DTD1: variants seen among roughly 807,000 people sequenced by gnomAD.
DTD1 encodes D-tyrosyl-tRNA deacylase 1 homolog.
DTD1 carries 13 observed loss-of-function variants against 25.6 expected under a neutral mutation model. That is an observed-to-expected ratio of 0.51 (90% confidence interval 0.33 to 0.81). DTD1 has a LOEUF of 0.81. Among genes scored for constraint, DTD1 ranks in the 30% least tolerant of loss-of-function variants. DTD1 has a pLI of 0.02. For missense variants in DTD1, 193 were observed against 266.4 expected (o/e 0.72, Z 1.92); for synonymous variants, 110 against 103.6 (o/e 1.06, Z -0.37).
At position 18,734,114 on chromosome 20, in the gene DTD1, G is replaced by A. The variant is rs532219448; in HGVS notation, c.478-9986G>A. Among the ~76,000 whole-genome samples the A allele has an allele frequency of 7.9e-5, 12 of 152,256 alleles. No individual in the cohort carries two copies. The East Asian group carries it at 1.4e-3, about 17-fold the overall frequency. On this transcript the variant is annotated intron_variant, in intron 4 of 5. Coordinates refer to ENST00000377452, the MANE Select transcript of DTD1 (RefSeq NM_080820.6). ...TTTTTATCAGCTAGAGGTAATGTAC[G>A]GATGTAGGTCTCTATAGATCTTGTA...
chr20:18,619,171 G>A (rs996071007), intron 3 of DTD1, among the ~76,000 whole-genome samples: 1 of 151,970 alleles, frequency 6.6e-6, no homozygotes, highest in African/African-American at 2.4e-5. Context: ...CAAGTTATTT[G>A]TCAGGTTCTT....
chr20:18,669,636 C>T (rs1237970119), intron 4 of DTD1, among the ~76,000 whole-genome samples: 1 of 152,110 alleles, frequency 6.6e-6, no homozygotes, highest in Non-Finnish European at 1.5e-5. Context: ...CCCTTAGTGC[C>T]TCACTCACCC....
chr20:18,674,695 C>G (rs1321653201), intron 4 of DTD1: 1 of 152,450 alleles, frequency 6.6e-6, no homozygotes, highest in African/African-American at 2.4e-5. Flanking sequence ...AATCAGCTGG[C>G]CTCCCGTCTG....
chr20:18,742,293 A>G (rs1296736877), intron 4 of DTD1, among the ~76,000 whole-genome samples: 3 of 152,108 alleles, frequency 2.0e-5, no homozygotes, highest in Non-Finnish European at 2.9e-5. Flanking sequence ...CACAAAATCT[A>G]ATTAGTATAT....
chr20:18,680,161 C>T (rs973769735), intron 4 of DTD1, among the ~76,000 whole-genome samples: 2 of 152,030 alleles, frequency 1.3e-5, no homozygotes, highest in Non-Finnish European at 2.9e-5. Flanking sequence ...GGTGAGAACT[C>T]ATTTCTAACA....
In DTD1 at chr20:18,708,193, T is replaced by G. The variant is rs1247214282; in HGVS notation, c.478-35907T>G. Among the ~76,000 whole-genome samples, 7 of 60,320 alleles carry G rather than the reference T, an allele frequency of 1.2e-4. 1 individual carries two copies. Among genetic ancestry groups the G allele is most frequent in the African/African-American group, 4.5e-4 (7 of 15,428 alleles). 39.6% of individuals were successfully genotyped at this position (60,320 alleles called of 152,430 possible). A position where few individuals can be genotyped will look rare whatever the true frequency, so the allele number is the denominator to read the frequency against. On this transcript the variant is annotated intron_variant, in intron 4 of 5. Coordinates refer to ENST00000377452, the MANE Select transcript of DTD1 (RefSeq NM_080820.6). ...TGTGTATATATATATTTTATATATA[T>G]ATTATATATATATTTTATATATATA...
intron 4 of DTD1, among the ~76,000 whole-genome samples, chr20:18,679,239 G>A (rs191679206): frequency 7.9e-4 from 121 of 152,328 alleles, no homozygotes; most frequent in Non-Finnish European, 1.4e-3. Context: ...AATAATACTC[G>A]TGGTTAGTGC....
chr20:18,669,673 G>A (rs1200746262), intron 4 of DTD1, among the ~76,000 whole-genome samples: 1 of 152,154 alleles, frequency 6.6e-6, no homozygotes, highest in Non-Finnish European at 1.5e-5. Context: ...AAAGTTAGGT[G>A]CAGATGACCC....
intron 4 of DTD1, among the ~76,000 whole-genome samples, chr20:18,673,949 G>A (rs1051887155): frequency 2.7e-5 from 4 of 150,868 alleles, no homozygotes; most frequent in Non-Finnish European, 4.4e-5. Flanking sequence ...AAACTTTATC[G>A]TATTTTTCTA....
At chr20:18,725,196 T>C (rs2061218819) in intron 4 of DTD1, among the ~76,000 whole-genome samples, 1 of 152,196 alleles carries the variant, frequency 6.6e-6, no homozygotes, top group Non-Finnish European at 1.5e-5. Flanking sequence ...ATGCAGAAAT[T>C]TCTAGGGAAG....
chr20:18,685,231 G>T (rs772955202), intron 4 of DTD1, among the ~76,000 whole-genome samples: 58 of 152,156 alleles, frequency 3.8e-4, no homozygotes, highest in Non-Finnish European at 7.8e-4. Context: ...AAAGAGGAAG[G>T]CTAGAAGGCT....
At chr20:18,615,831 G>C (rs545504331) in intron 3 of DTD1, among the ~76,000 whole-genome samples, 1 of 152,274 alleles carries the variant, frequency 6.6e-6, no homozygotes, top group South Asian at 2.1e-4. Flanking sequence ...TCTGCTCTGT[G>C]TACTCCATGG....
intron 5 of DTD1, among the ~76,000 whole-genome samples, chr20:18,760,831 A>T (rs936954672): frequency 6.6e-6 from 1 of 152,186 alleles, no homozygotes; most frequent in African/African-American, 2.4e-5. Flanking sequence ...CTGTCCCCAG[A>T]GGTGGAGTCT....
intron 5 of DTD1, among the ~76,000 whole-genome samples, chr20:18,757,138 T>C (rs1328893855): frequency 1.3e-5 from 2 of 152,210 alleles, no homozygotes; most frequent in Non-Finnish European, 2.9e-5. Flanking sequence ...GAGACTTTGC[T>C]GAAGTTGCTT....
intron 3 of DTD1, among the ~76,000 whole-genome samples, chr20:18,619,424 T>A (rs1450775860): frequency 6.6e-6 from 1 of 152,186 alleles, no homozygotes; most frequent in Non-Finnish European, 1.5e-5. Flanking sequence ...CTCCTTTTTT[T>A]GTTTTTAATT....
chr20:18,706,878 G>C (rs2061128625), intron 4 of DTD1, among the ~76,000 whole-genome samples: 1 of 152,232 alleles, frequency 6.6e-6, no homozygotes, highest in Non-Finnish European at 1.5e-5. Context: ...CCCGTTAGCG[G>C]TGCATTTCCA....
At chr20:18,634,592 C>T (rs961342394) in intron 4 of DTD1, among the ~76,000 whole-genome samples, 2 of 152,182 alleles carry the variant, frequency 1.3e-5, no homozygotes, top group Non-Finnish European at 2.9e-5. Context: ...TGAGTATCAC[C>T]GTTGCTCTGT....
chr20:18,654,642 A>G (rs1379108790), intron 4 of DTD1, among the ~76,000 whole-genome samples: 2 of 152,192 alleles, frequency 1.3e-5, no homozygotes, highest in African/African-American at 2.4e-5. Context: ...GTGTAAAGCC[A>G]TTGTTCAGTG....
intron 4 of DTD1, among the ~76,000 whole-genome samples, chr20:18,719,027 G>T (rs1465840001): frequency 6.6e-6 from 1 of 152,124 alleles, no homozygotes; most frequent in African/African-American, 2.4e-5. Context: ...GTTTTGTTTC[G>T]ATAAAGCCAT....
Sources: gnomAD v4.1 joint callset for allele counts (sites outside exome capture counted in the v4.1 genomes callset) on GRCh38, gnomAD v4.1.1 for gene constraint, MANE v1.5 for transcripts, NCBI Gene and HGNC (gene_info 2026-07-23, HGNC 2026-07-21) for gene names.